The following DNAJC7 variants were observed in gnomAD, a reference collection of about 807,000 sequenced individuals.
The protein encoded by DNAJC7 is dnaJ homolog subfamily C member 7.
Under a neutral mutation model 67.4 loss-of-function variants are expected in DNAJC7, and 18 were observed. That is an observed-to-expected ratio of 0.27 (90% CI 0.18 to 0.40). DNAJC7 has a LOEUF of 0.40. DNAJC7 is among the 10% of genes least tolerant of loss of function. The pLI is 1.00. For synonymous variants in DNAJC7, 220 were observed against 207.8 expected (o/e 1.06, Z -0.50); for missense variants, 419 against 613.8 (o/e 0.68, Z 3.35).
chr17:41,983,028 A>G (rs1340718943), intron 10 of DNAJC7, among the ~76,000 whole-genome samples: 1 of 151,994 alleles, frequency 6.6e-6, no homozygotes, highest in African/African-American at 2.4e-5. Context: ...TAGCCTCACC[A>G]CACAAAAAAT....
chr17:41,990,494 A>G (rs1555647616), intron 5 of DNAJC7, 112 bp from the exon 6 acceptor site: 1 of 816,174 alleles, frequency 1.2e-6, no homozygotes, highest in African/African-American at 1.7e-5. Flanking sequence ...CTTTGGGTCC[A>G]CTTCTAAGTA....
intron 13 of DNAJC7, 23 bp from the exon 14 acceptor site, chr17:41,976,793 G>A (rs781956517): frequency 6.2e-7 from 1 of 1,604,366 alleles, no homozygotes; most frequent in East Asian, 2.2e-5. Context: ...AGAGGGGTTG[G>A]TAGTTGGCTA....
intron 9 of DNAJC7, chr17:41,985,328 A>C (rs2051348847): frequency 6.6e-6 from 1 of 152,136 alleles, no homozygotes; most frequent in Non-Finnish European, 1.5e-5. Flanking sequence ...GTTCAGAATC[A>C]ATGTACAGAA....
At chr17:42,001,478 AAC>A (rs1346252992) in intron 1 of DNAJC7, among the ~76,000 whole-genome samples, 1 of 152,250 alleles carries the variant, frequency 6.6e-6, no homozygotes, top group Non-Finnish European at 1.5e-5. Context: ...AGACATGACC[AAC>A]AGTGTTTTAA....
At chr17:41,991,972 C>T (rs978073112) in intron 5 of DNAJC7, among the ~76,000 whole-genome samples, 2 of 152,190 alleles carry the variant, frequency 1.3e-5, no homozygotes, top group Admixed American at 6.5e-5. Context: ...TAAGCCACTG[C>T]ATCTGGCAAC....
At chr17:41,983,537 TA>T in intron 10 of DNAJC7, 25 bp downstream of exon 10, 2 of 1,560,042 alleles carry the variant, frequency 1.3e-6, no homozygotes, top group Non-Finnish European at 1.7e-6. Flanking sequence ...CACAGTTCCC[TA>T]AAAAACAAAT....
At chr17:41,993,556 CT>C (rs2051567523) in intron 5 of DNAJC7, among the ~76,000 whole-genome samples, 1 of 152,242 alleles carries the variant, frequency 6.6e-6, no homozygotes, top group South Asian at 2.1e-4. Flanking sequence ...AGTGACAACT[CT>C]GTTCCTTGGA....
intron 3 of DNAJC7, 62 bp downstream of exon 3, chr17:41,997,053 G>A (rs1567963848): frequency 1.9e-6 from 3 of 1,608,884 alleles, no homozygotes; most frequent in Non-Finnish European, 2.5e-6. Context: ...GAGAAATACG[G>A]GGCTAGAGAA....
At position 41,990,394 on chromosome 17, in the gene DNAJC7, A is replaced by C; in HGVS notation, c.481-12T>G. 1.3e-6 allele frequency: 2 copies of C among 1,590,780 alleles called. No homozygotes were observed. The highest frequency in any genetic ancestry group is 1.7e-6 in the Non-Finnish European group (2 of 1,166,496). ...ATGCAGAAAACAACCTGTAGGGAAG[A>C]AGAAAACAAATAAGGCTCTTCATCA... On this transcript the variant is annotated splice_polypyrimidine_tract_variant and intron_variant, in intron 5 of 13. Coordinates refer to ENST00000457167, the MANE Select transcript of DNAJC7 (RefSeq NM_003315.4).
chr17:41,987,855 T>C lies in DNAJC7; in HGVS notation c.974A>G (p.Asp325Gly), dbSNP rs199660340. The change falls in exon 9 of 14, where the codon GAC (aspartate) becomes GGC (glycine). Residue 325 changes from aspartate to glycine, a missense_variant. Asp to Gly is a moderately conservative substitution (Grantham distance 94). Transcript: ENST00000457167. Reference protein sequence around the residue: ...EDCTNAVKLDDTYIKAYLRRA... With the variant: ...EDCTNAVKLDGTYIKAYLRRA... ...TCTCAAGTAGGCTTTTATGTAAGTG[T>C]CATCAAGCTTCACTGCATTTGTGCA... is the stretch of plus-strand genomic sequence containing the variant. The C allele has an allele frequency of 6.2e-7, 1 of 1,611,860 alleles. No homozygotes were observed. Among genetic ancestry groups the C allele is most frequent in the Non-Finnish European group, 8.5e-7 (1 of 1,179,134 alleles).
intron 1 of DNAJC7, among the ~76,000 whole-genome samples, chr17:42,010,004 T>C (rs782165339): frequency 1.3e-5 from 2 of 151,964 alleles, no homozygotes; most frequent in Non-Finnish European, 2.9e-5. Context: ...TAGCTGGGCA[T>C]GGTGGCATGC....
chr17:42,012,099 A>C (rs1555651098), intron 1 of DNAJC7, among the ~76,000 whole-genome samples: 1 of 152,108 alleles, frequency 6.6e-6, no homozygotes, highest in East Asian at 1.9e-4. Flanking sequence ...GGATGTCCTG[A>C]CTCTTAAGTC....
At chr17:42,000,034 G>A (rs1050500279) in intron 2 of DNAJC7, among the ~76,000 whole-genome samples, 3 of 145,832 alleles carry the variant, frequency 2.1e-5, no homozygotes, top group Non-Finnish European at 4.5e-5. Context: ...GGCCAGAGTG[G>A]TCTGAAACCC....
intron 4 of DNAJC7, among the ~76,000 whole-genome samples, chr17:41,995,480 G>A (rs1555648478): frequency 1.3e-5 from 2 of 152,250 alleles, no homozygotes; most frequent in African/African-American, 2.4e-5. Flanking sequence ...CTGTATATAT[G>A]GCAGTGCTCC....
At chr17:41,983,992 CAA>C (rs1390937873) in intron 9 of DNAJC7, among the ~76,000 whole-genome samples, 6 of 152,156 alleles carry the variant, frequency 3.9e-5, no homozygotes, top group Non-Finnish European at 8.8e-5. Context: ...TTGAAACACA[CAA>C]GAGAAAAATT....
chr17:41,998,868 G>C (rs566911801), intron 2 of DNAJC7, among the ~76,000 whole-genome samples: 1 of 152,126 alleles, frequency 6.6e-6, no homozygotes, highest in African/African-American at 2.4e-5. Flanking sequence ...TTTATCAAAA[G>C]AAAAACTACC....
At chr17:42,005,730 T>C (rs2051930927) in intron 1 of DNAJC7, among the ~76,000 whole-genome samples, 1 of 152,022 alleles carries the variant, frequency 6.6e-6, no homozygotes, top group Non-Finnish European at 1.5e-5. Flanking sequence ...CACCGCACTG[T>C]GGTTTGATTT....
At position 41,994,519 on chromosome 17, in the gene DNAJC7, CAAAAAAAAA is replaced by C. The variant is rs68006925; in HGVS notation, c.480+342_480+350del. Among the ~76,000 whole-genome samples, 4 of 37,898 alleles carry C rather than the reference CAAAAAAAAA, an allele frequency of 1.1e-4. 1 individual carries two copies. The highest frequency in any genetic ancestry group is 1.7e-3 in the South Asian group (2 of 1,202). The allele number at this position is 37,898 out of a possible 152,430, so 24.9% of individuals were successfully genotyped here. A position where few individuals can be genotyped will look rare whatever the true frequency, so the allele number is the denominator to read the frequency against. ...TGGGTGACAGAGTGAGACTAGGCCT[CAAAAAAAAA>C]AAAAAAAAAAAAAAAAAGATTATCC... On this transcript the variant is annotated intron_variant, in intron 5 of 13. Coordinates refer to ENST00000457167, the MANE Select transcript of DNAJC7 (RefSeq NM_003315.4).
At chr17:41,983,395 G>T (rs937713986) in intron 10 of DNAJC7, among the ~76,000 whole-genome samples, 168 bp downstream of exon 10, 2 of 152,184 alleles carry the variant, frequency 1.3e-5, no homozygotes, top group Admixed American at 6.6e-5. Flanking sequence ...AAGTGCTGGG[G>T]ATTACAGGCG....
Sources: allele counts gnomAD v4.1 joint callset (sites outside exome capture counted in the v4.1 genomes callset), GRCh38; gene constraint gnomAD v4.1.1; transcripts MANE v1.5; gene names NCBI Gene and HGNC (gene_info 2026-07-23, HGNC 2026-07-21).